Variants in CSNK1A1 observed in about 807,000 individuals in gnomAD.
CSNK1A1 encodes casein kinase I isoform alpha.
CSNK1A1 carries 7 observed loss-of-function variants against 46.1 expected under a neutral mutation model. That is an observed-to-expected ratio of 0.15 (90% CI 0.09 to 0.29). The LOEUF (loss-of-function observed/expected upper bound fraction) is 0.29, where lower values mean the gene tolerates loss of function less well. Ranked by LOEUF, CSNK1A1 falls within the 10% of genes least tolerant of loss-of-function variation. CSNK1A1 has a pLI of 1.00. For missense variants in CSNK1A1, 96 were observed against 417.1 expected (o/e 0.23, Z 6.71); for synonymous variants, 137 against 141.5 (o/e 0.97, Z 0.23).
intron 2 of CSNK1A1, among the ~76,000 whole-genome samples, chr5:149,527,371 A>C (rs975949646): frequency 6.6e-6 from 1 of 151,894 alleles, no homozygotes; most frequent in African/African-American, 2.4e-5. Context: ...CAGCTGATCC[A>C]CCTCTTGGCC....
At position 149,511,691 on chromosome 5, in the gene CSNK1A1, A is replaced by G; in HGVS notation, c.675+103T>C. 3 of 802,798 alleles carry G rather than the reference A, an allele frequency of 3.7e-6. No homozygotes were observed. The South Asian group carries it at 5.0e-5, about 14-fold the overall frequency. The allele number at this position is 802,798 out of a possible 1,614,324, so 49.7% of individuals were successfully genotyped here. A position where few individuals can be genotyped will look rare whatever the true frequency, so the allele number is the denominator to read the frequency against. ...TTAAGGTTAATTCTTTATATCTCAG[A>G]AAAATCTCAGACTTAGAAGGGACCT... On this transcript the variant is annotated intron_variant, in intron 6 of 9. Coordinates refer to ENST00000377843, the MANE Select transcript of CSNK1A1 (RefSeq NM_001892.6).
intron 8 of CSNK1A1, among the ~76,000 whole-genome samples, chr5:149,505,983 G>T (rs1460735495): frequency 6.6e-6 from 1 of 151,916 alleles, no homozygotes; most frequent in Non-Finnish European, 1.5e-5. Flanking sequence ...CTGGAGTGCA[G>T]TGGTGCAATC....
intron 2 of CSNK1A1, among the ~76,000 whole-genome samples, chr5:149,532,699 A>C (rs1365034733): frequency 3.3e-5 from 5 of 152,186 alleles, no homozygotes; most frequent in Admixed American, 1.3e-4. Flanking sequence ...CCCCCCACAA[A>C]AATCAGTGAT....
chr5:149,529,848 G>C (rs1761835560), intron 2 of CSNK1A1: 1 of 404,302 alleles, frequency 2.5e-6, no homozygotes, highest in African/African-American at 2.1e-5. Flanking sequence ...ACAATGACAT[G>C]GTTACCAATT....
At chr5:149,510,472 T>TTTTGTTTG (rs1011819061) in intron 6 of CSNK1A1, among the ~76,000 whole-genome samples, 1 of 151,834 alleles carries the variant, frequency 6.6e-6, no homozygotes, top group South Asian at 2.1e-4. Context: ...TTCTTTGTTT[T>TTTTGTTTG]TTTGTTTGTT....
chr5:149,536,015 A>G (rs1762051621), intron 2 of CSNK1A1, among the ~76,000 whole-genome samples: 2 of 151,712 alleles, frequency 1.3e-5, no homozygotes, highest in Non-Finnish European at 2.9e-5. Flanking sequence ...ATACAATGGC[A>G]TGATCTCAGC....
intron 2 of CSNK1A1, among the ~76,000 whole-genome samples, chr5:149,527,479 A>ATC (rs1445180293): frequency 6.6e-6 from 1 of 152,098 alleles, no homozygotes; most frequent in Non-Finnish European, 1.5e-5. Flanking sequence ...AGCTGCTGTT[A>ATC]TTTTCCCTCT....
At position 149,503,862 on chromosome 5, in the gene CSNK1A1, G is replaced by A. The variant is rs1760949123; in HGVS notation, c.1006+1585C>T. The A allele has an allele frequency of 3.0e-6, 3 of 985,274 alleles. No homozygotes were observed. The African/African-American group carries it at 5.2e-5, about 17-fold the overall frequency. The allele number at this position is 985,274 out of a possible 1,614,324, so 61.0% of individuals were successfully genotyped here. Reference sequence around the variant, plus strand: ...CAGAAGAGATTTCAATCTAATTTTAGTTATAGAAACTGCAACTTGTGATGA... The same window carrying A: ...CAGAAGAGATTTCAATCTAATTTTAATTATAGAAACTGCAACTTGTGATGA... On this transcript the variant is annotated intron_variant, in intron 9 of 9. Coordinates refer to ENST00000377843, the MANE Select transcript of CSNK1A1 (RefSeq NM_001892.6).
Position 149,550,733 on chromosome 5 carries a change from G to T in CSNK1A1, c.123+109C>A. On this transcript the variant is annotated intron_variant, in intron 1 of 9. Transcript: ENST00000377843. The surrounding 1 kb of genome is among the most constrained non-coding windows in gnomAD (Gnocchi z 4.3). ...GAAAACTAGCTCCCTGGACTCCCTGGCGAGTGCGTGCGATGAGGAGAGGCC... is the reference window on the plus strand; with the variant it reads ...GAAAACTAGCTCCCTGGACTCCCTGTCGAGTGCGTGCGATGAGGAGAGGCC... The T allele has an allele frequency of 6.8e-7, 1 of 1,477,344 alleles. No homozygotes were observed. 91.5% of individuals were successfully genotyped at this position (1,477,344 alleles called of 1,614,324 possible). A position where few individuals can be genotyped will look rare whatever the true frequency, so the allele number is the denominator to read the frequency against.
At chr5:149,498,204 T>A in intron 9 of CSNK1A1, 1 of 985,292 alleles carries the variant, frequency 1.0e-6, no homozygotes, top group Non-Finnish European at 1.2e-6. Flanking sequence ...ATTCTAATAT[T>A]TATTTCTTAT....
chr5:149,498,507 G>T, intron 9 of CSNK1A1: 1 of 985,212 alleles, frequency 1.0e-6, no homozygotes, highest in Non-Finnish European at 1.2e-6. Flanking sequence ...AAAGTTTCAA[G>T]CTTCTTGTTT....
rs114670430 is a variant in CSNK1A1 at position 149,545,015 on chromosome 5, T to A, written c.230+5060A>T. ...GCTGGGTGTGGCGGCGCGCCTGTAA[T>A]CCCATGAACCTGGGAGGCAGAGGTT... On this transcript the variant is annotated intron_variant, in intron 2 of 9. Transcript: ENST00000377843. 9.4e-3 allele frequency among the ~76,000 whole-genome samples: 1,418 copies of A among 150,078 alleles called. 19 individuals carry two copies. Among genetic ancestry groups the A allele is most frequent in the African/African-American group, 0.033 (1,327 of 40,630 alleles).
chr5:149,524,973 T>A (rs1294369855), intron 3 of CSNK1A1, 72 bp downstream of exon 3: 2 of 1,376,530 alleles, frequency 1.5e-6, no homozygotes, highest in East Asian at 2.4e-5. Flanking sequence ...TTTAATACTC[T>A]GATTTATGAA....
At chr5:149,498,215 G>C in intron 9 of CSNK1A1, 1 of 984,860 alleles carries the variant, frequency 1.0e-6, no homozygotes, top group Middle Eastern at 5.2e-4. Flanking sequence ...TATTTCTTAT[G>C]CATATATGCC....
chr5:149,545,042 C>T (rs1762429116), intron 2 of CSNK1A1, among the ~76,000 whole-genome samples: 1 of 150,046 alleles, frequency 6.7e-6, no homozygotes, highest in Non-Finnish European at 1.5e-5. Flanking sequence ...GCAGAGGTTG[C>T]AGTGAGCCAA....
chr5:149,498,729 T>A, intron 9 of CSNK1A1: 1 of 985,156 alleles, frequency 1.0e-6, no homozygotes, highest in Non-Finnish European at 1.2e-6. Context: ...AGTTTTCTTA[T>A]GTAATCATAT....
intron 2 of CSNK1A1, among the ~76,000 whole-genome samples, chr5:149,531,083 G>A (rs1404205151): frequency 6.6e-6 from 1 of 150,748 alleles, no homozygotes; most frequent in East Asian, 1.9e-4. Flanking sequence ...ATTCTTAACA[G>A]CTATTTGCCA....
At chr5:149,509,523 C>T (rs1257261935) in intron 7 of CSNK1A1, among the ~76,000 whole-genome samples, 1 of 152,174 alleles carries the variant, frequency 6.6e-6, no homozygotes, top group Non-Finnish European at 1.5e-5. Context: ...GCCTCAGGCT[C>T]CTGAGTAGCT....
chr5:149,518,717 C>G (rs1255636069), intron 4 of CSNK1A1, among the ~76,000 whole-genome samples: 2 of 151,910 alleles, frequency 1.3e-5, no homozygotes, highest in Non-Finnish European at 2.9e-5. Context: ...ACCTAAACCT[C>G]CTAAAAAGGT....
Sources: allele counts gnomAD v4.1 joint callset (sites outside exome capture counted in the v4.1 genomes callset), GRCh38; gene constraint gnomAD v4.1.1; non-coding constraint Gnocchi (gnomAD v3.1); transcripts MANE v1.5; gene names NCBI Gene and HGNC (gene_info 2026-07-23, HGNC 2026-07-21).